ADAM28: variants seen among roughly 807,000 people sequenced by gnomAD.
The protein encoded by ADAM28 is ADAM metallopeptidase domain 28.
A neutral mutation model predicts 101.2 loss-of-function variants in ADAM28; 105 were observed. The observed-to-expected ratio is 1.04, with a 90% CI of 0.89 to 1.22. ADAM28 has a LOEUF of 1.22. Ranked by LOEUF, ADAM28 falls within the 50% of genes most tolerant of loss-of-function variation. The pLI is 0.00. For synonymous variants in ADAM28, 322 were observed against 310.6 expected, an observed-to-expected ratio of 1.04 and a Z score of -0.39; for missense variants, 1,028 against 945.4, an observed-to-expected ratio of 1.09 and a Z score of -1.15.
rs1188898348 is a variant in ADAM28, at chr8:24,358,297, T to C, written c.*3893T>C. 2.0e-5 allele frequency: 3 copies of C among 152,228 alleles called. No individual in the cohort carries two copies. In the East Asian group the frequency reaches 5.8e-4, roughly 29 times the overall value. The allele number at this position is 152,228 out of a possible 1,614,324, so 9.4% of individuals were successfully genotyped here. A position where few individuals can be genotyped will look rare whatever the true frequency, so the allele number is the denominator to read the frequency against. On this transcript the variant is annotated 3_prime_UTR_variant, in exon 23 of 23. Transcript: ENST00000265769. ...GTGCATCCAATATTATTATCAGCTT[T>C]AATATTGTTTCATCATATGTCATTG...
At chr8:24,344,534 G>A (rs531248448) in intron 18 of ADAM28, among the ~76,000 whole-genome samples, 8 of 152,100 alleles carry the variant, frequency 5.3e-5, no homozygotes, top group South Asian at 2.1e-4. Context: ...CTTTTCAAGA[G>A]AGAACATTTA....
At chr8:24,338,969 G>A (rs1392361200) in intron 14 of ADAM28, among the ~76,000 whole-genome samples, 4 of 151,754 alleles carry the variant, frequency 2.6e-5, no homozygotes, top group Non-Finnish European at 5.9e-5. Context: ...TATATAATGT[G>A]TATATATATA....
intron 11 of ADAM28, among the ~76,000 whole-genome samples, chr8:24,330,421 GA>G (rs1412752619): frequency 6.6e-6 from 1 of 152,084 alleles, no homozygotes; most frequent in Non-Finnish European, 1.5e-5. Context: ...ATGGTGGTCA[GA>G]AAAGAGTTCT....
At chr8:24,353,265 G>GAGGT (rs1563333968) in intron 21 of ADAM28, among the ~76,000 whole-genome samples, 2 of 152,038 alleles carry the variant, frequency 1.3e-5, no homozygotes. Flanking sequence ...TTTTCTGTAG[G>GAGGT]AGGTAGGGTA....
chr8:24,305,395 C>CAAGTGT (rs1321300616), intron 2 of ADAM28, among the ~76,000 whole-genome samples: 1 of 147,744 alleles, frequency 6.8e-6, no homozygotes, highest in Non-Finnish European at 1.5e-5. Context: ...TCTATGAGAG[C>CAAGTGT]AAGTGTAACC....
intron 9 of ADAM28, among the ~76,000 whole-genome samples, chr8:24,324,221 TG>T (rs1280525155): frequency 6.6e-6 from 1 of 151,932 alleles, no homozygotes; most frequent in Non-Finnish European, 1.5e-5. Context: ...TTGTTTTTAT[TG>T]GGTATACAAG....
chr8:24,313,543 T>G lies in ADAM28; in HGVS notation c.539T>G (p.Leu180Trp), dbSNP rs147092030. The G allele has an allele frequency of 2.0e-4, 319 of 1,613,650 alleles. No individual in the cohort carries two copies. The highest frequency in any genetic ancestry group is 2.5e-4 in the Non-Finnish European group (300 of 1,179,796). The change falls in exon 6 of 23, where the codon TTG becomes TGG. Residue 180 changes from leucine (L) to tryptophan (W), a missense_variant. Leu to Trp is a moderately conservative substitution (Grantham distance 61). Transcript: ENST00000265769. ...GMDGVLWAHDLQQNIALPATK... is the reference protein window; with the variant it reads ...GMDGVLWAHDWQQNIALPATK... Reference sequence around the variant, plus strand: ...GATGGTGTGTTGTGGGCCCACGATTTGCAGCAGAACATTGCCCTACCTGCC... The same window carrying G: ...GATGGTGTGTTGTGGGCCCACGATTGGCAGCAGAACATTGCCCTACCTGCC...
chr8:24,342,762 A>T (rs57924225), intron 16 of ADAM28, among the ~76,000 whole-genome samples: 11,611 of 152,160 alleles, frequency 0.076, 799 homozygotes, highest in African/African-American at 0.18. Flanking sequence ...AAGTACTGGG[A>T]CTAGGGCAGA....
rs1816568660 is a variant in ADAM28, at chr8:24,354,827, A to G, written c.*423A>G. ...ACCATTAACTTGTCAAATTACAATC[A>G]CAGTTAAGAAAATGATGTAAAATTC... On this transcript the variant is annotated 3_prime_UTR_variant, in exon 23 of 23. Transcript: ENST00000265769. 1 of 153,864 alleles carries G rather than the reference A, an allele frequency of 6.5e-6. No individual in the cohort carries two copies. Among genetic ancestry groups the G allele is most frequent in the Non-Finnish European group, 1.4e-5 (1 of 69,110 alleles). 9.5% of individuals were successfully genotyped at this position (153,864 alleles called of 1,614,324 possible). A position where few individuals can be genotyped will look rare whatever the true frequency, so the allele number is the denominator to read the frequency against.
intron 13 of ADAM28, 57 bp downstream of exon 13, chr8:24,332,806 C>G: frequency 2.2e-6 from 2 of 929,338 alleles, no homozygotes; most frequent in Non-Finnish European, 3.0e-6. Context: ...ACATTAACAT[C>G]TCAGTGATTA....
At chr8:24,327,730 C>G (rs956713941) in intron 10 of ADAM28, among the ~76,000 whole-genome samples, 1 of 152,062 alleles carries the variant, frequency 6.6e-6, no homozygotes, top group African/African-American at 2.4e-5. Context: ...AGAAATAATA[C>G]TACACATCTA....
Position 24,294,097 on chromosome 8 carries a change from C to A in ADAM28, c.-53C>A. The stretch of plus-strand genomic sequence containing the variant: ...GGAGAGGAGGCAGGGACAGACCCAG[C>A]AGCACCCACCTGAGCGAGAAGAGCA... On this transcript the variant is annotated 5_prime_UTR_variant, in exon 1 of 23. Transcript: ENST00000265769. The A allele has an allele frequency of 6.2e-7, 1 of 1,604,236 alleles. No individual in the cohort carries two copies. Among genetic ancestry groups the A allele is most frequent in the South Asian group, 1.1e-5 (1 of 90,850 alleles).
In ADAM28 at chr8:24,299,954, T is replaced by C. The variant is rs1318480283; in HGVS notation, c.47-20T>C. 1.9e-6 allele frequency: 3 copies of C among 1,593,262 alleles called. No individual in the cohort carries two copies. The highest frequency in any genetic ancestry group is 2.6e-6 in the Non-Finnish European group (3 of 1,170,982). On this transcript the variant is annotated intron_variant, in intron 1 of 22. Transcript: ENST00000265769. Reference sequence around the variant, plus strand: ...CTTCAGTTCTACCTGGATAAGTCTTTTCTTTTTCTTTTTTCTCAGTAAGTG... The same window carrying C: ...CTTCAGTTCTACCTGGATAAGTCTTCTCTTTTTCTTTTTTCTCAGTAAGTG...
At chr8:24,317,925 A>C (rs1811379608) in intron 6 of ADAM28, among the ~76,000 whole-genome samples, 1 of 152,024 alleles carries the variant, frequency 6.6e-6, no homozygotes, top group South Asian at 2.1e-4. Flanking sequence ...AAGGACAAAA[A>C]GTAGACAAAT....
At chr8:24,295,982 A>G (rs998476281) in intron 1 of ADAM28, 1 of 152,248 alleles carries the variant, frequency 6.6e-6, no homozygotes, top group Non-Finnish European at 1.5e-5. Flanking sequence ...AATAAAAGAA[A>G]GAGATGTAAA....
intron 19 of ADAM28, 121 bp downstream of exon 19, chr8:24,350,093 A>T (rs1330797732): frequency 1.3e-6 from 1 of 791,948 alleles, no homozygotes; most frequent in African/African-American, 1.7e-5. Context: ...TCAGAAATAC[A>T]TGCAGATGGT....
At position 24,354,438 on chromosome 8, in the gene ADAM28, A is replaced by T; in HGVS notation, c.*34A>T. 5 of 1,597,646 alleles carry T rather than the reference A, an allele frequency of 3.1e-6. No homozygotes were observed. The highest frequency in any genetic ancestry group is 4.3e-6 in the Non-Finnish European group (5 of 1,171,782). ...CTAAGCAAGAACTAATGGCTAAATT[A>T]TCAACTTGGAAAACTGGAAAATCTG... On this transcript the variant is annotated 3_prime_UTR_variant, in exon 23 of 23. Coordinates refer to ENST00000265769, the MANE Select transcript of ADAM28 (RefSeq NM_014265.6).
chr8:24,352,098 G>A, intron 21 of ADAM28, 46 bp downstream of exon 21: 2 of 1,541,048 alleles, frequency 1.3e-6, no homozygotes, highest in Non-Finnish European at 9.0e-7. Context: ...TCAATCTCCA[G>A]GAAATATCGG....
intron 19 of ADAM28, among the ~76,000 whole-genome samples, chr8:24,350,279 T>C (rs187134506): frequency 9.5e-4 from 144 of 152,264 alleles, no homozygotes; most frequent in Admixed American, 1.9e-3. Flanking sequence ...CATTATTTGA[T>C]CAATATACGA....
Sources: gnomAD v4.1 joint callset for allele counts (sites outside exome capture counted in the v4.1 genomes callset) on GRCh38, gnomAD v4.1.1 for gene constraint, MANE v1.5 for transcripts, NCBI Gene and HGNC (gene_info 2026-07-23, HGNC 2026-07-21) for gene names.